Variants in CKAP5 observed in about 807,000 individuals in gnomAD.
CKAP5 encodes the protein cytoskeleton-associated protein 5.
In CKAP5, 27 loss-of-function variants were observed where a neutral mutation model predicts 232.8. The observed-to-expected ratio is 0.12, with a 90% CI of 0.09 to 0.16. CKAP5 has a LOEUF of 0.16. CKAP5 is among the 10% of genes least tolerant of loss of function. The pLI is 1.00. For synonymous variants in CKAP5, 785 were observed against 841.1 expected (o/e 0.93, Z 1.16); for missense variants, 1,838 against 2,424.7 (o/e 0.76, Z 5.08).
intron 37 of CKAP5, chr11:46,753,085 T>C: frequency 2.2e-6 from 1 of 461,094 alleles, no homozygotes; most frequent in South Asian, 4.8e-5. Flanking sequence ...CAGGCTAAAA[T>C]ACCTTTGGTC....
intron 11 of CKAP5, 129 bp downstream of exon 11, chr11:46,797,675 CA>C (rs1938911746): frequency 1.1e-6 from 1 of 869,900 alleles, no homozygotes; most frequent in Admixed American, 3.0e-5. Flanking sequence ...TTCCAAGCTG[CA>C]AAGGCTCTGC....
intron 1 of CKAP5, among the ~76,000 whole-genome samples, chr11:46,838,295 A>T (rs777614384): frequency 2.5e-4 from 38 of 152,164 alleles, no homozygotes; most frequent in African/African-American, 3.4e-4. Context: ...ACTAGTCTAA[A>T]ATAATTTTAA....
At chr11:46,770,154 C>T (rs1216635609) in intron 25 of CKAP5, 56 bp from the exon 26 acceptor site, 2 of 1,565,156 alleles carry the variant, frequency 1.3e-6, no homozygotes, top group African/African-American at 2.7e-5. Context: ...TAAAGTCATA[C>T]AAAGCTTATG....
intron 1 of CKAP5, among the ~76,000 whole-genome samples, chr11:46,837,297 T>C (rs929141369): frequency 1.2e-4 from 19 of 152,146 alleles, no homozygotes; most frequent in African/African-American, 4.1e-4. Context: ...TGGATCAGAA[T>C]TGGAGACACC....
In CKAP5 at chr11:46,797,842, T is replaced by C; in HGVS notation, c.1301A>G (p.Lys434Arg). The part of the protein sequence containing the change: ...FRHCTASTLP[K>R]SLLKPFCAAL... ...AGCACAAAAGGGCTTTAGCAAGCTCTTTGGCAGGGTAGAAGCAGTGCAGTG... is the reference window on the plus strand; with the variant it reads ...AGCACAAAAGGGCTTTAGCAAGCTCCTTGGCAGGGTAGAAGCAGTGCAGTG... Residue 434 changes from lysine to arginine, a missense_variant, in exon 11 of 44, where the codon AAG (lysine) becomes AGG (arginine). By Grantham distance (26) the Lys-to-Arg change is conservative. Coordinates refer to ENST00000529230, the MANE Select transcript of CKAP5 (RefSeq NM_001008938.4). 2 of 1,613,788 alleles carry C rather than the reference T, an allele frequency of 1.2e-6. No individual in the cohort carries two copies. The highest frequency in any genetic ancestry group is 1.7e-6 in the Non-Finnish European group (2 of 1,179,944).
intron 18 of CKAP5, 36 bp downstream of exon 18, chr11:46,783,238 T>C (rs769929490): frequency 8.3e-7 from 1 of 1,200,474 alleles, no homozygotes; most frequent in South Asian, 1.2e-5. Context: ...TGACAGAACA[T>C]TTAACTATTT....
chr11:46,744,354 C>G (rs765748233), intron 43 of CKAP5, 72 bp downstream of exon 43: 2 of 1,612,698 alleles, frequency 1.2e-6, no homozygotes, highest in South Asian at 1.1e-5. Flanking sequence ...AGCCACTTCT[C>G]TGTGGGCCAG....
chr11:46,802,724 T>C (rs937210953), intron 8 of CKAP5, among the ~76,000 whole-genome samples: 5 of 152,192 alleles, frequency 3.3e-5, no homozygotes, highest in Admixed American at 3.3e-4. Context: ...CCCTACAATG[T>C]GGTGTTCCAT....
chr11:46,790,439 T>C, intron 14 of CKAP5, 31 bp downstream of exon 14: 1 of 1,492,278 alleles, frequency 6.7e-7, no homozygotes, highest in East Asian at 2.3e-5. Context: ...GCAGGGTTCA[T>C]GATTTTCAGG....
intron 3 of CKAP5, among the ~76,000 whole-genome samples, chr11:46,816,608 A>T (rs1036946346): frequency 6.6e-6 from 1 of 152,168 alleles, no homozygotes; most frequent in African/African-American, 2.4e-5. Flanking sequence ...GCATAGTAAC[A>T]GTTTATAAAT....
intron 7 of CKAP5, 100 bp from the exon 8 acceptor site, chr11:46,808,244 A>T (rs1020288535): frequency 1.6e-4 from 134 of 830,726 alleles, no homozygotes; most frequent in Admixed American, 2.6e-4. Flanking sequence ...TAATTTTTTT[A>T]AAAAATTATA....
chr11:46,836,909 T>G (rs953335953), intron 1 of CKAP5, among the ~76,000 whole-genome samples: 3 of 152,136 alleles, frequency 2.0e-5, no homozygotes, highest in African/African-American at 7.2e-5. Flanking sequence ...GTATGCAAAT[T>G]TTAAAAAGTC....
rs1938694692 is a variant in CKAP5, at chr11:46,790,508, C to G, written c.1726G>C (p.Gly576Arg). 3.7e-6 allele frequency: 6 copies of G among 1,614,026 alleles called. No homozygotes were observed. Among genetic ancestry groups the G allele is most frequent in the Non-Finnish European group, 4.2e-6 (5 of 1,179,944 alleles). ...TCCACTATTTCTTTAGTCTCCAGTCCTTTCTTGTTCTTGGTTCCAGTATTC... is the reference window on the plus strand; with the variant it reads ...TCCACTATTTCTTTAGTCTCCAGTCGTTTCTTGTTCTTGGTTCCAGTATTC... ...AGNTGTKNKK[G>R]LETKEIVEPE... is the part of the protein sequence containing the mutation. Residue 576 changes from glycine (G) to arginine (R), a missense_variant, in exon 14 of 44, where the codon GGA (glycine) becomes CGA (arginine). Around this residue, in one of 6 missense-constraint regions of CKAP5, gnomAD observed 767 missense variants for 954.6 expected, o/e 0.80. Coordinates refer to ENST00000529230, the MANE Select transcript of CKAP5 (RefSeq NM_001008938.4).
In CKAP5 at chr11:46,778,525, T is replaced by C; in HGVS notation, c.2508A>G (p.Glu836=). 3 of 1,614,112 alleles carry C rather than the reference T, an allele frequency of 1.9e-6. No homozygotes were observed. The South Asian group carries it at 3.3e-5, about 18-fold the overall frequency. Residue 836 remains glutamate (E), a synonymous_variant, in exon 21 of 44, where the codon GAA becomes GAG. Transcript: ENST00000529230. ...TCCCGTCATCTGGTTCATCTCCATC[T>C]TCTCCTTCATCTGTACCACTTGTGC... The part of the protein sequence containing the change: ...KHSTSGTDEG[E]DGDEPDDGSN...
intron 4 of CKAP5, among the ~76,000 whole-genome samples, chr11:46,813,835 T>A (rs1352025240): frequency 6.6e-6 from 1 of 152,040 alleles, no homozygotes; most frequent in African/African-American, 2.4e-5. Flanking sequence ...ACTTGTAATT[T>A]AAAGGTAGAA....
intron 43 of CKAP5, 27 bp from the exon 44 acceptor site, chr11:46,744,292 T>C (rs772840608): frequency 1.6e-5 from 26 of 1,613,582 alleles, no homozygotes; most frequent in Non-Finnish European, 1.9e-5. Context: ...AGAGATTGTC[T>C]AAGGTCAGGT....
chr11:46,803,923 A>C (rs1939094350), intron 8 of CKAP5, among the ~76,000 whole-genome samples: 1 of 152,236 alleles, frequency 6.6e-6, no homozygotes, highest in South Asian at 2.1e-4. Flanking sequence ...TATATTTAGC[A>C]TCTAAATATA....
intron 1 of CKAP5, among the ~76,000 whole-genome samples, chr11:46,837,333 C>T (rs894764765): frequency 2.0e-5 from 3 of 152,076 alleles, no homozygotes. Flanking sequence ...TTTTCCCCCC[C>T]GCCCATACTA....
At chr11:46,836,961 G>C (rs955841805) in intron 1 of CKAP5, among the ~76,000 whole-genome samples, 2 of 152,174 alleles carry the variant, frequency 1.3e-5, no homozygotes, top group African/African-American at 4.8e-5. Flanking sequence ...TGAAGACTAT[G>C]ACAAGGGAAT....
Sources: gnomAD v4.1 joint callset for allele counts (sites outside exome capture counted in the v4.1 genomes callset) on GRCh38, gnomAD v4.1.1 for gene constraint, gnomAD v4.1.1 regional missense constraint, MANE v1.5 for transcripts, NCBI Gene and HGNC (gene_info 2026-07-23, HGNC 2026-07-21) for gene names.